Variants in ASCC3 observed in about 807,000 individuals in gnomAD.
ASCC3 encodes the protein activating signal cointegrator 1 complex subunit 3, also known as ASC-1 complex subunit P200.
A neutral mutation model predicts 256.3 loss-of-function variants in ASCC3; 158 were observed. That is an observed-to-expected ratio of 0.62 (90% CI 0.54 to 0.70). The LOEUF (loss-of-function observed/expected upper bound fraction) is 0.70, where lower values mean the gene tolerates loss of function less well. Among genes scored for constraint, ASCC3 ranks in the 30% least tolerant of loss-of-function variants. ASCC3 has a pLI of 0.00. For synonymous variants in ASCC3, 948 were observed against 883.4 expected (o/e 1.07, Z -1.30); for missense variants, 2,259 against 2,626.0 (o/e 0.86, Z 3.05).
intron 38 of ASCC3, among the ~76,000 whole-genome samples, chr6:100,517,060 T>C (rs1335043709): frequency 6.6e-6 from 1 of 152,170 alleles, no homozygotes; most frequent in African/African-American, 2.4e-5. Context: ...TTTCTCCCCA[T>C]GCCATCTGCT....
intron 36 of ASCC3, among the ~76,000 whole-genome samples, chr6:100,574,530 A>T (rs926932530): frequency 6.6e-6 from 1 of 152,060 alleles, no homozygotes; most frequent in Non-Finnish European, 1.5e-5. Context: ...CTAGTATAAA[A>T]TAAAATAAAT....
intron 13 of ASCC3, among the ~76,000 whole-genome samples, chr6:100,684,944 C>A (rs1777496468): frequency 6.6e-6 from 1 of 151,470 alleles, no homozygotes; most frequent in African/African-American, 2.4e-5. Context: ...GTAGCTGGGA[C>A]TACAGGCACC....
intron 22 of ASCC3, among the ~76,000 whole-genome samples, chr6:100,645,692 T>TA (rs1775344977): frequency 6.6e-6 from 1 of 152,134 alleles, no homozygotes. Flanking sequence ...AATAGATCTT[T>TA]AAAAAATGTT....
intron 37 of ASCC3, chr6:100,531,189 T>C (rs1200331822): frequency 2.9e-5 from 18 of 628,176 alleles, no homozygotes; most frequent in Non-Finnish European, 4.8e-5. Flanking sequence ...ACTTTAAGGA[T>C]ACATCTTGGA....
In ASCC3 at chr6:100,799,585, A is replaced by C; in HGVS notation, c.1128-13T>G. 6.2e-7 allele frequency: 1 copy of C among 1,609,970 alleles called. No homozygotes were observed. Among genetic ancestry groups the C allele is most frequent in the Non-Finnish European group, 8.5e-7 (1 of 1,178,444 alleles). On this transcript the variant is annotated splice_polypyrimidine_tract_variant and intron_variant, in intron 6 of 41. Transcript: ENST00000369162. Reference sequence around the variant, plus strand: ...AAGTGCCTGTTCTCTGTAAACATAAAAATAGGCCTAATTTGAAATGTTTAT... The same window carrying C: ...AAGTGCCTGTTCTCTGTAAACATAACAATAGGCCTAATTTGAAATGTTTAT...
At chr6:100,650,499 T>C (rs753142658) in intron 20 of ASCC3, 39 bp downstream of exon 20, 8 of 1,601,266 alleles carry the variant, frequency 5.0e-6, no homozygotes, top group Non-Finnish European at 5.1e-6. Context: ...TCTAAATATA[T>C]TCAAGGAAGA....
intron 8 of ASCC3, among the ~76,000 whole-genome samples, chr6:100,789,800 G>A (rs1000079306): frequency 4.0e-5 from 6 of 151,878 alleles, no homozygotes; most frequent in South Asian, 2.1e-4. Context: ...ATATTGTACC[G>A]ATGGCTTAAT....
At chr6:100,878,200 C>T (rs1769084107) in intron 1 of ASCC3, among the ~76,000 whole-genome samples, 1 of 152,162 alleles carries the variant, frequency 6.6e-6, no homozygotes, top group African/African-American at 2.4e-5. Context: ...ACAGAGAAAG[C>T]ATGACAAAAA....
chr6:100,753,544 T>C (rs1236912609), intron 10 of ASCC3, among the ~76,000 whole-genome samples: 1 of 151,164 alleles, frequency 6.6e-6, no homozygotes, highest in African/African-American at 2.4e-5. Flanking sequence ...ATATGTTGCC[T>C]AAGCTGGAGT....
intron 4 of ASCC3, among the ~76,000 whole-genome samples, chr6:100,835,674 T>A (rs1349616190): frequency 6.6e-6 from 1 of 152,116 alleles, no homozygotes; most frequent in African/African-American, 2.4e-5. Context: ...ATTATTAGAG[T>A]TCTGAAGTAT....
intron 8 of ASCC3, among the ~76,000 whole-genome samples, chr6:100,793,956 C>CA (rs1194594385): frequency 1.3e-5 from 2 of 152,026 alleles, no homozygotes; most frequent in Non-Finnish European, 2.9e-5. Flanking sequence ...CTGCTCAAAA[C>CA]AAAAAGCCTA....
At chr6:100,759,992 A>C (rs1781355088) in intron 10 of ASCC3, among the ~76,000 whole-genome samples, 1 of 152,122 alleles carries the variant, frequency 6.6e-6, no homozygotes, top group African/African-American at 2.4e-5. Context: ...TGATCTTTGC[A>C]CACTAATTTT....
At chr6:100,629,243 CA>C in intron 26 of ASCC3, 62 bp from the exon 27 acceptor site, 2 of 1,457,366 alleles carry the variant, frequency 1.4e-6, no homozygotes, top group South Asian at 1.2e-5. Flanking sequence ...CTTGGAAATG[CA>C]AAAACCTATC....
intron 36 of ASCC3, among the ~76,000 whole-genome samples, chr6:100,588,578 T>C: frequency 6.6e-6 from 1 of 152,184 alleles, no homozygotes; most frequent in Non-Finnish European, 1.5e-5. Flanking sequence ...ACTTTAGTCC[T>C]CTATTCTTTT....
At chr6:100,576,103 T>A (rs1770844588) in intron 36 of ASCC3, among the ~76,000 whole-genome samples, 2 of 151,958 alleles carry the variant, frequency 1.3e-5, no homozygotes, top group South Asian at 4.2e-4. Flanking sequence ...CTTCAATAAC[T>A]AGGAGGAGGG....
chr6:100,787,549 A>T (rs1352749961), intron 8 of ASCC3, among the ~76,000 whole-genome samples: 1 of 152,112 alleles, frequency 6.6e-6, no homozygotes. Context: ...TGGAAAATCG[A>T]AGACATAGAA....
intron 24 of ASCC3, among the ~76,000 whole-genome samples, chr6:100,641,439 T>C (rs2114890059): frequency 6.6e-6 from 1 of 152,350 alleles, no homozygotes; most frequent in South Asian, 2.1e-4. Context: ...GGCATTTCTC[T>C]GATGGCCAGT....
At chr6:100,611,213 C>G (rs1773377578) in intron 30 of ASCC3, among the ~76,000 whole-genome samples, 1 of 152,072 alleles carries the variant, frequency 6.6e-6, no homozygotes, top group South Asian at 2.1e-4. Flanking sequence ...CTGGCAAAGA[C>G]TTAACATCCT....
chr6:100,530,875 T>C (rs1774837431), intron 37 of ASCC3: 1 of 1,280,394 alleles, frequency 7.8e-7, no homozygotes, highest in Non-Finnish European at 1.1e-6. Flanking sequence ...AATAAATTTT[T>C]GTGGAACATC....
Sources: gnomAD v4.1 joint callset for allele counts (sites outside exome capture counted in the v4.1 genomes callset) on GRCh38, gnomAD v4.1.1 for gene constraint, MANE v1.5 for transcripts, NCBI Gene and HGNC (gene_info 2026-07-23, HGNC 2026-07-21) for gene names.